The following SMC4 variants were observed in gnomAD, a reference collection of about 807,000 sequenced individuals.
SMC4 encodes the protein structural maintenance of chromosomes protein 4.
Under a neutral mutation model 145.6 loss-of-function variants are expected in SMC4, and 87 were observed. That is an observed-to-expected ratio of 0.60 (90% CI 0.50 to 0.71). The LOEUF is 0.71. Ranked by LOEUF, SMC4 falls within the 30% of genes least tolerant of loss-of-function variation. The pLI is 0.00. For synonymous variants in SMC4, 558 were observed against 500.7 expected (o/e 1.11, Z -1.53); for missense variants, 1,447 against 1,537.1 (o/e 0.94, Z 0.98).
Position 160,416,330 on chromosome 3 carries a change from A to G in SMC4, c.1352A>G (p.Lys451Arg). The change falls in exon 10 of 24, where the codon AAG (lysine) becomes AGG (arginine). Residue 451 changes from lysine to arginine, a missense_variant. Coordinates refer to ENST00000357388, the MANE Select transcript of SMC4 (RefSeq NM_001002800.3). ...ETTTRNNALE[K>R]EKEKEEKKLK... is the part of the protein sequence containing the mutation. ...ACAACCAGAAACAATGCCCTCGAGA[A>G]GGAAAAAGAGAAAGAAGAAAAAAAA... 1.9e-6 allele frequency: 3 copies of G among 1,607,176 alleles called. No individual in the cohort carries two copies. The highest frequency in any genetic ancestry group is 2.2e-5 in the South Asian group (2 of 89,904).
At chr3:160,404,282 CTT>C in intron 4 of SMC4, 44 bp from the exon 5 acceptor site, 1 of 1,555,836 alleles carries the variant, frequency 6.4e-7, no homozygotes, top group Non-Finnish European at 8.7e-7. Flanking sequence ...AGGCCTATGA[CTT>C]AATACCAACA....
chr3:160,404,334 G>A lies in SMC4; in HGVS notation c.517G>A (p.Asp173Asn). 6.2e-7 allele frequency: 1 copy of A among 1,601,444 alleles called. No homozygotes were observed. The highest frequency in any genetic ancestry group is 8.5e-7 in the Non-Finnish European group (1 of 1,176,788). The change falls in exon 5 of 24, where the codon GAT becomes AAT. Residue 173 changes from aspartate (D) to asparagine (N), a missense_variant. Coordinates refer to ENST00000357388, the MANE Select transcript of SMC4 (RefSeq NM_001002800.3). Reference sequence around the variant, plus strand: ...TTGTTTTTCCTCAAAACAGGAAGGGGATGATTATGAAGTCATTCCTAACAG... The same window carrying A: ...TTGTTTTTCCTCAAAACAGGAAGGGAATGATTATGAAGTCATTCCTAACAG... ...HFQKIIDKEG[D>N]DYEVIPNSNF...
At chr3:160,420,157 TC>T (rs1391160540) in intron 12 of SMC4, among the ~76,000 whole-genome samples, 5 of 152,218 alleles carry the variant, frequency 3.3e-5, no homozygotes, top group Middle Eastern at 3.4e-3. Flanking sequence ...TTTCCTGCCC[TC>T]CAGTCTTAGC....
At chr3:160,416,227 C>A in intron 9 of SMC4, 24 bp from the exon 10 acceptor site, 1 of 1,536,426 alleles carries the variant, frequency 6.5e-7, no homozygotes, top group South Asian at 1.3e-5. Context: ...ATGTATGCTC[C>A]TATAACTTGT....
chr3:160,423,707 A>G (rs1411116914), intron 14 of SMC4, 54 bp from the exon 15 acceptor site: 24 of 1,600,386 alleles, frequency 1.5e-5, no homozygotes, highest in Non-Finnish European at 2.0e-5. Flanking sequence ...CATTGACTTT[A>G]TTTAATCTTG....
chr3:160,414,567 T>C (rs370856292), intron 9 of SMC4, 50 bp downstream of exon 9: 51 of 1,513,634 alleles, frequency 3.4e-5, no homozygotes, highest in Non-Finnish European at 4.4e-5. Flanking sequence ...ATATCATACC[T>C]AGTTTTCATG....
At position 160,429,050 on chromosome 3, in the gene SMC4, T is replaced by C. The variant is rs1718093476; in HGVS notation, c.2795+108T>C. The C allele has an allele frequency of 9.5e-6, 9 of 942,540 alleles. No homozygotes were observed. In the Middle Eastern group the frequency reaches 6.7e-4, roughly 70 times the overall value. The allele number at this position is 942,540 out of a possible 1,614,324, so 58.4% of individuals were successfully genotyped here. ...AAATGTTTCTCTTACTGTTAATTTA[T>C]TGAACCTGTCTGACACATTACCTAA... On this transcript the variant is annotated intron_variant, in intron 18 of 23. Coordinates refer to ENST00000357388, the MANE Select transcript of SMC4 (RefSeq NM_001002800.3).
chr3:160,430,517 C>T (rs1251509210), intron 18 of SMC4, 82 bp from the exon 19 acceptor site: 4 of 1,174,358 alleles, frequency 3.4e-6, no homozygotes, highest in South Asian at 2.1e-5. Flanking sequence ...CATTAAATTT[C>T]ATGAAAAGTT....
chr3:160,416,529 C>G, intron 10 of SMC4, 114 bp downstream of exon 10: 1 of 580,922 alleles, frequency 1.7e-6, no homozygotes, highest in Non-Finnish European at 2.9e-6. Context: ...CTTTTAATGT[C>G]CAACATTCCT....
intron 10 of SMC4, 101 bp from the exon 11 acceptor site, chr3:160,417,622 G>T: frequency 1.1e-6 from 1 of 942,032 alleles, no homozygotes; most frequent in Non-Finnish European, 1.6e-6. Context: ...TGTGCTTATA[G>T]AATCTCCTTT....
At chr3:160,402,136 T>A in intron 3 of SMC4, 43 bp downstream of exon 3, 1 of 1,252,862 alleles carries the variant, frequency 8.0e-7, no homozygotes, top group Non-Finnish European at 1.1e-6. Context: ...TTTAAATAAC[T>A]ATTGTAAGGT....
chr3:160,408,757 T>G (rs1715627854), intron 5 of SMC4, among the ~76,000 whole-genome samples: 1 of 151,998 alleles, frequency 6.6e-6, no homozygotes, highest in Non-Finnish European at 1.5e-5. Flanking sequence ...AATCTACAGA[T>G]TACATAGGAG....
Position 160,433,808 on chromosome 3 carries a change from G to T in SMC4, c.3866G>T (p.Ter1289LeuextTer4). The change falls in exon 24 of 24, where the codon TGA becomes TTA. Residue 1289 changes from the stop codon to leucine (L), a stop_lost. Transcript: ENST00000357388. ...PKEIASKGLC[*>L] ...GAAATTGCATCTAAGGGACTTTGTT[G>T]AACTTTATGCTGAAGATTCTTCAAG... 6.3e-7 allele frequency: 1 copy of T among 1,599,822 alleles called. No homozygotes were observed. The highest frequency in any genetic ancestry group is 1.1e-5 in the South Asian group (1 of 86,990).
At chr3:160,425,747 T>C (rs1717725161) in intron 16 of SMC4, among the ~76,000 whole-genome samples, 1 of 152,222 alleles carries the variant, frequency 6.6e-6, no homozygotes, top group South Asian at 2.1e-4. Flanking sequence ...TGTTGCATAA[T>C]GCCAGATTGT....
At chr3:160,420,580 A>G in intron 12 of SMC4, 160 bp from the exon 13 acceptor site, 1 of 576,722 alleles carries the variant, frequency 1.7e-6, no homozygotes, top group Admixed American at 4.1e-5. Flanking sequence ...ATATTCATAA[A>G]CTTATACATA....
Position 160,433,366 on chromosome 3 carries a change from T to G in SMC4, c.3714+157T>G, listed in dbSNP as rs546972098. The G allele has an allele frequency of 5.1e-4, 287 of 564,248 alleles. 2 individuals carry two copies. The African/African-American group carries it at 5.3e-3, about 10-fold the overall frequency. 35.0% of individuals were successfully genotyped at this position (564,248 alleles called of 1,614,324 possible). A position where few individuals can be genotyped will look rare whatever the true frequency, so the allele number is the denominator to read the frequency against. ...GTATCAGTGGAGACCAAATTATTTT[T>G]TATTTGAACCAAATATTTCCATTTT... On this transcript the variant is annotated intron_variant, in intron 23 of 23. Coordinates refer to ENST00000357388, the MANE Select transcript of SMC4 (RefSeq NM_001002800.3).
intron 4 of SMC4, chr3:160,404,046 A>G: frequency 3.1e-6 from 1 of 324,042 alleles, no homozygotes; most frequent in Non-Finnish European, 5.6e-6. Flanking sequence ...CTTCTCAATC[A>G]TAAACGTTTT....
At chr3:160,401,867 T>C in intron 2 of SMC4, 48 bp from the exon 3 acceptor site, 1 of 1,494,986 alleles carries the variant, frequency 6.7e-7, no homozygotes. Flanking sequence ...TAATGTAGGC[T>C]TTTCCCCCGC....
intron 18 of SMC4, among the ~76,000 whole-genome samples, chr3:160,429,237 G>C (rs552117006): frequency 1.3e-5 from 2 of 152,154 alleles, no homozygotes; most frequent in Non-Finnish European, 1.5e-5. Context: ...CGGGGAGGGA[G>C]TAGTTGGTCC....
Sources: allele counts gnomAD v4.1 joint callset (sites outside exome capture counted in the v4.1 genomes callset), GRCh38; gene constraint gnomAD v4.1.1; transcripts MANE v1.5; gene names NCBI Gene and HGNC (gene_info 2026-07-23, HGNC 2026-07-21).